DSCAML1: variants seen among roughly 807,000 people sequenced by gnomAD.
DSCAML1 encodes the protein cell adhesion molecule DSCAML1.
Under a neutral mutation model 200.5 loss-of-function variants are expected in DSCAML1, and 38 were observed. That is an observed-to-expected ratio of 0.19 (90% CI 0.15 to 0.25). DSCAML1 has a LOEUF of 0.25. Among genes scored for constraint, DSCAML1 ranks in the 10% least tolerant of loss-of-function variants. The pLI, the probability that DSCAML1 is intolerant of heterozygous loss-of-function variation, is 1.00. For missense variants in DSCAML1, 2,223 were observed against 2,858.8 expected (o/e 0.78, Z 5.07); for synonymous variants, 1,215 against 1,165.0 (o/e 1.04, Z -0.87).
intron 8 of DSCAML1, among the ~76,000 whole-genome samples, chr11:117,506,547 C>CTTTTTTT (rs5795089): frequency 1.0e-5 from 1 of 96,858 alleles, no homozygotes; most frequent in Non-Finnish European, 2.0e-5. Context: ...CAAGAGATAA[C>CTTTTTTT]TTTTTTTTTT....
chr11:117,776,805 A>G lies in DSCAML1; in HGVS notation c.497T>C (p.Val166Ala). 6.2e-7 allele frequency: 1 copy of G among 1,614,054 alleles called. No individual in the cohort carries two copies. Among genetic ancestry groups the G allele is most frequent in the South Asian group, 1.1e-5 (1 of 91,070 alleles). The change falls in exon 3 of 33, where the codon GTC (valine) becomes GCC (alanine). Residue 166 changes from valine to alanine, a missense_variant. This residue lies in a region of DSCAML1 where 579 missense variants were observed against 721.5 expected (regional missense o/e 0.80). Coordinates refer to ENST00000651296, the MANE Select transcript of DSCAML1 (RefSeq NM_020693.4). ...VSVVSWEKDT[V>A]SIIPEHRFFI... ...ACGCTTCTTACCTGGGATGATGGAG[A>G]CTGTGTCTTTCTCCCAAGATACAAC...
intron 3 of DSCAML1, among the ~76,000 whole-genome samples, chr11:117,717,331 T>C (rs918133975): frequency 2.0e-5 from 3 of 152,082 alleles, no homozygotes; most frequent in Admixed American, 1.3e-4. Context: ...ACCTCCTTCA[T>C]GGAGCCTCAC....
chr11:117,662,239 AT>A (rs1257655400), intron 3 of DSCAML1, among the ~76,000 whole-genome samples: 1 of 152,242 alleles, frequency 6.6e-6, no homozygotes, highest in African/African-American at 2.4e-5. Context: ...TAACCCAAGT[AT>A]TCAGAGAAGA....
intron 21 of DSCAML1, among the ~76,000 whole-genome samples, chr11:117,442,499 G>A (rs1414046816): frequency 1.3e-5 from 2 of 152,118 alleles, no homozygotes; most frequent in Non-Finnish European, 2.9e-5. Flanking sequence ...ACATGTATGA[G>A]TGTGCAGTGT....
At chr11:117,743,809 G>A (rs935010901) in intron 3 of DSCAML1, among the ~76,000 whole-genome samples, 10 of 152,126 alleles carry the variant, frequency 6.6e-5, no homozygotes, top group African/African-American at 9.7e-5. Flanking sequence ...AAACACACCC[G>A]CAGCCTGCCT....
At chr11:117,689,428 G>A (rs746707872) in intron 3 of DSCAML1, among the ~76,000 whole-genome samples, 2 of 152,188 alleles carry the variant, frequency 1.3e-5, no homozygotes, top group South Asian at 2.1e-4. Context: ...TTGTAGGCAC[G>A]CTGAAATGTG....
intron 3 of DSCAML1, among the ~76,000 whole-genome samples, chr11:117,639,838 G>A (rs909575669): frequency 2.1e-5 from 3 of 143,114 alleles, no homozygotes; most frequent in African/African-American, 2.5e-5. Flanking sequence ...CATGCCTCCC[G>A]CTCCCTTCCT....
chr11:117,803,500 A>G (rs1591524358), intron 1 of DSCAML1, among the ~76,000 whole-genome samples: 2 of 152,290 alleles, frequency 1.3e-5, no homozygotes, highest in African/African-American at 2.4e-5. Flanking sequence ...CTAAATTAAT[A>G]ATCACATTTG....
At chr11:117,806,065 C>A (rs970610684) in intron 1 of DSCAML1, among the ~76,000 whole-genome samples, 1 of 152,198 alleles carries the variant, frequency 6.6e-6, no homozygotes, top group South Asian at 2.1e-4. Flanking sequence ...CAGACTCTTG[C>A]CCACCTTGTT....
chr11:117,505,350 C>T lies in DSCAML1; in HGVS notation c.2062+104G>A, dbSNP rs932901218. On this transcript the variant is annotated intron_variant, in intron 9 of 32. Transcript: ENST00000651296. The surrounding 1 kb of genome is among the most constrained non-coding windows in gnomAD (Gnocchi z 6.7). ...AACAGGCCCTTCAAGATGCTGGAGC[C>T]CACCTTCCATGAGCCCGTGATTGGA... The T allele has an allele frequency of 1.4e-5, 21 of 1,466,978 alleles. No individual in the cohort carries two copies. The highest frequency in any genetic ancestry group is 2.8e-5 in the African/African-American group (2 of 71,660). The allele number at this position is 1,466,978 out of a possible 1,614,324, so 90.9% of individuals were successfully genotyped here.
At position 117,480,436 on chromosome 11, in the gene DSCAML1, C is replaced by T. The variant is rs370785714; in HGVS notation, c.2785+7G>A. 32 of 1,613,218 alleles carry T rather than the reference C, an allele frequency of 2.0e-5. No individual in the cohort carries two copies. The highest frequency in any genetic ancestry group is 1.7e-4 in the African/African-American group (13 of 75,044). ...CCACGCTGTCACCCTCCTGGCCCAGCGCCTACCTGATTTGTTCTTGTATTC... is the reference window on the plus strand; with the variant it reads ...CCACGCTGTCACCCTCCTGGCCCAGTGCCTACCTGATTTGTTCTTGTATTC... On this transcript the variant is annotated splice_region_variant and intron_variant, in intron 14 of 32. Transcript: ENST00000651296. The surrounding 1 kb of genome is among the most constrained non-coding windows in gnomAD (Gnocchi z 4.1).
In DSCAML1 at chr11:117,504,362, T is replaced by C. The variant is rs928337535; in HGVS notation, c.2183-341A>G. ...CAGTTGGCTGCAGGTGGAGAGAAGA[T>C]TGAGCCTTCAAATGGCAGTTGTCTG... On this transcript the variant is annotated intron_variant, in intron 10 of 32. Transcript: ENST00000651296. This position sits in a 1 kb window ranked among gnomAD's most constrained non-coding sequence, Gnocchi z 5.0. Among the ~76,000 whole-genome samples, 4 of 152,188 alleles carry C rather than the reference T, an allele frequency of 2.6e-5. No individual in the cohort carries two copies. Among genetic ancestry groups the C allele is most frequent in the East Asian group, 1.9e-4 (1 of 5,196 alleles).
chr11:117,719,077 C>T (rs1194990035), intron 3 of DSCAML1, among the ~76,000 whole-genome samples: 1 of 152,154 alleles, frequency 6.6e-6, no homozygotes, highest in Non-Finnish European at 1.5e-5. Flanking sequence ...TGTTTTAGTG[C>T]ATAATCTCCT....
rs754915608 is a variant in DSCAML1 at position 117,780,714 on chromosome 11, G to A, written c.143C>T (p.Pro48Leu). 5 of 1,578,984 alleles carry A rather than the reference G, an allele frequency of 3.2e-6. No homozygotes were observed. The highest frequency in any genetic ancestry group is 1.8e-5 in the Admixed American group (1 of 54,978). Residue 48 changes from proline to leucine, a missense_variant, in exon 2 of 33, where the codon CCG becomes CTG. By Grantham distance (98) the Pro-to-Leu change is moderately conservative. Around this residue, in one of 7 missense-constraint regions of DSCAML1, gnomAD observed 579 missense variants for 721.5 expected, o/e 0.80. Transcript: ENST00000651296. This position sits in a 1 kb window ranked among gnomAD's most constrained non-coding sequence, Gnocchi z 4.8. Reference protein sequence around the residue: ...SSSVGVVVPCPAAGSPSAALR... With the variant: ...SSSVGVVVPCLAAGSPSAALR... ...GGCCGCGCTGGGGGAGCCCGCGGCCGGGCAGGGCACCACCACCCCCACGGA... is the reference window on the plus strand; with the variant it reads ...GGCCGCGCTGGGGGAGCCCGCGGCCAGGCAGGGCACCACCACCCCCACGGA...
At chr11:117,816,328 A>G (rs1241913086) in intron 1 of DSCAML1, among the ~76,000 whole-genome samples, 2 of 152,206 alleles carry the variant, frequency 1.3e-5, no homozygotes, top group African/African-American at 4.8e-5. Context: ...TCCGAGGCCC[A>G]GGCCCAATCC....
intron 3 of DSCAML1, among the ~76,000 whole-genome samples, chr11:117,635,248 G>C (rs1318517527): frequency 1.3e-5 from 2 of 152,194 alleles, no homozygotes; most frequent in African/African-American, 4.8e-5. Flanking sequence ...GGAGCGGATG[G>C]GGAGGGAGAC....
At chr11:117,572,487 C>T (rs1401967262) in intron 3 of DSCAML1, among the ~76,000 whole-genome samples, 3 of 152,162 alleles carry the variant, frequency 2.0e-5, no homozygotes, top group Non-Finnish European at 2.9e-5. Context: ...GCATTAGCCT[C>T]CCCTCCCTAT....
At chr11:117,773,971 A>G (rs537802220) in intron 3 of DSCAML1, among the ~76,000 whole-genome samples, 1 of 152,342 alleles carries the variant, frequency 6.6e-6, no homozygotes, top group Non-Finnish European at 1.5e-5. Flanking sequence ...ATTATGCCCT[A>G]TGGGGCCACC....
At chr11:117,577,156 T>C (rs116997303) in intron 3 of DSCAML1, among the ~76,000 whole-genome samples, 2,206 of 152,226 alleles carry the variant, frequency 0.014, 29 homozygotes, top group East Asian at 0.065. Flanking sequence ...ACTGAATCTC[T>C]CTGGTCTCTG....
Sources: allele counts gnomAD v4.1 joint callset (sites outside exome capture counted in the v4.1 genomes callset), GRCh38; gene constraint gnomAD v4.1.1; regional missense constraint gnomAD v4.1.1; non-coding constraint Gnocchi (gnomAD v3.1); transcripts MANE v1.5; gene names NCBI Gene and HGNC (gene_info 2026-07-23, HGNC 2026-07-21).